Variants in PLXDC2 observed in about 807,000 individuals in gnomAD.
PLXDC2 encodes plexin domain containing 2.
In PLXDC2, 40 loss-of-function variants were observed where a neutral mutation model predicts 68.9. The observed-to-expected ratio is 0.58, with a 90% CI of 0.45 to 0.76. The LOEUF is 0.76. Among genes scored for constraint, PLXDC2 ranks in the 30% least tolerant of loss-of-function variants. PLXDC2 has a pLI of 0.00. For synonymous variants in PLXDC2, 243 were observed against 234.2 expected (o/e 1.04, Z -0.34); for missense variants, 644 against 661.9 (o/e 0.97, Z 0.30).
chr10:20,087,453 T>G (rs1833215193), intron 4 of PLXDC2, among the ~76,000 whole-genome samples: 2 of 152,260 alleles, frequency 1.3e-5, no homozygotes, highest in Non-Finnish European at 2.9e-5. Flanking sequence ...ATCATTCTTA[T>G]TCCATTTGCC....
At chr10:19,922,143 G>A (rs1025881389) in intron 1 of PLXDC2, among the ~76,000 whole-genome samples, 1 of 152,194 alleles carries the variant, frequency 6.6e-6, no homozygotes, top group African/African-American at 2.4e-5. Flanking sequence ...ACAGGCGTGA[G>A]CCACCGTTCT....
intron 12 of PLXDC2, among the ~76,000 whole-genome samples, chr10:20,230,679 G>A (rs1163647592): frequency 1.9e-5 from 1 of 51,732 alleles, no homozygotes; most frequent in Non-Finnish European, 4.4e-5. Context: ...GGGCTACAGA[G>A]TGAGACCTTG....
chr10:20,129,414 G>T (rs1833834440), intron 4 of PLXDC2, among the ~76,000 whole-genome samples: 1 of 151,942 alleles, frequency 6.6e-6, no homozygotes, highest in South Asian at 2.1e-4. Flanking sequence ...CTCCCATTCT[G>T]TAGGTTTTCT....
chr10:19,933,044 T>A lies in PLXDC2; in HGVS notation c.113-68731T>A, dbSNP rs558556334. On this transcript the variant is annotated intron_variant, in intron 1 of 13. Transcript: ENST00000377252. ...TTTTGACAACAGAAGAAAATCAGTGTCAAACAAACAAGCACGGTACCAAGC... is the reference window on the plus strand; with the variant it reads ...TTTTGACAACAGAAGAAAATCAGTGACAAACAAACAAGCACGGTACCAAGC... Among the ~76,000 whole-genome samples, 204 of 152,318 alleles carry A rather than the reference T, an allele frequency of 1.3e-3. 1 individual carries two copies. Among genetic ancestry groups the A allele is most frequent in the African/African-American group, 4.7e-3 (194 of 41,578 alleles).
intron 7 of PLXDC2, among the ~76,000 whole-genome samples, chr10:20,166,872 TG>T (rs1834383190): frequency 1.3e-5 from 2 of 152,140 alleles, no homozygotes; most frequent in South Asian, 4.1e-4. Flanking sequence ...TGTTACGTGT[TG>T]GGGGAAAAAT....
intron 1 of PLXDC2, among the ~76,000 whole-genome samples, chr10:19,940,548 C>CAA (rs10682522): frequency 0.19 from 21,900 of 113,418 alleles, 2,067 homozygotes; most frequent in African/African-American, 0.33. Context: ...TTTGATTGTG[C>CAA]AAAAAAAAAA....
intron 1 of PLXDC2, among the ~76,000 whole-genome samples, chr10:19,885,357 A>G (rs1227149498): frequency 2.0e-5 from 3 of 151,234 alleles, no homozygotes. Flanking sequence ...CTTTAGTTTA[A>G]TTAGATCCCA....
chr10:19,915,427 G>A lies in PLXDC2; in HGVS notation c.113-86348G>A, dbSNP rs576989296. Among the ~76,000 whole-genome samples, 52 of 152,192 alleles carry A rather than the reference G, an allele frequency of 3.4e-4. 1 individual carries two copies. Among genetic ancestry groups the A allele is most frequent in the Non-Finnish European group, 6.0e-4 (41 of 68,010 alleles). On this transcript the variant is annotated intron_variant, in intron 1 of 13. Coordinates refer to ENST00000377252, the MANE Select transcript of PLXDC2 (RefSeq NM_032812.9). ...TAAGATGTTTTAGCCATCTCACATT[G>A]TCCTAAATGTCTTCTTTACATACAT...
intron 1 of PLXDC2, among the ~76,000 whole-genome samples, chr10:19,941,799 C>G (rs957210452): frequency 2.0e-5 from 3 of 152,102 alleles, no homozygotes; most frequent in African/African-American, 7.2e-5. Context: ...TACCTTTTGA[C>G]TCTGCTAACG....
chr10:19,840,566 C>G (rs1836885935), intron 1 of PLXDC2, among the ~76,000 whole-genome samples: 1 of 152,066 alleles, frequency 6.6e-6, no homozygotes, highest in Non-Finnish European at 1.5e-5. Context: ...GAATAGTAAG[C>G]TTTGGTAATA....
At chr10:20,018,997 T>A (rs1190736563) in intron 2 of PLXDC2, among the ~76,000 whole-genome samples, 2 of 152,274 alleles carry the variant, frequency 1.3e-5, no homozygotes, top group East Asian at 3.9e-4. Flanking sequence ...AAATGGAACT[T>A]GGCTGGACAT....
intron 1 of PLXDC2, among the ~76,000 whole-genome samples, chr10:19,882,455 G>C (rs189433797): frequency 1.1e-4 from 16 of 152,254 alleles, no homozygotes; most frequent in African/African-American, 2.9e-4. Flanking sequence ...CAAAGGAAGA[G>C]GTTAGTGAAG....
intron 9 of PLXDC2, among the ~76,000 whole-genome samples, chr10:20,194,365 G>A (rs981139331): frequency 6.6e-6 from 1 of 151,866 alleles, no homozygotes; most frequent in African/African-American, 2.4e-5. Flanking sequence ...TCATCCTTAA[G>A]AGTTCAGATG....
intron 5 of PLXDC2, among the ~76,000 whole-genome samples, chr10:20,144,776 A>G (rs1237635431): frequency 6.6e-6 from 1 of 152,220 alleles, no homozygotes; most frequent in East Asian, 1.9e-4. Context: ...ACTATTTTCC[A>G]AACTCCGACA....
intron 1 of PLXDC2, among the ~76,000 whole-genome samples, chr10:19,858,447 C>T (rs1837256500): frequency 6.6e-6 from 1 of 152,282 alleles, no homozygotes. Flanking sequence ...AAATCATTCT[C>T]CCTTTTGCTT....
At chr10:20,232,458 G>T (rs1835377701) in intron 12 of PLXDC2, among the ~76,000 whole-genome samples, 1 of 152,028 alleles carries the variant, frequency 6.6e-6, no homozygotes, top group Non-Finnish European at 1.5e-5. Context: ...ATTCATAATT[G>T]TCAATAACTA....
intron 1 of PLXDC2, among the ~76,000 whole-genome samples, chr10:19,873,521 T>C (rs1837582230): frequency 6.7e-6 from 1 of 149,110 alleles, no homozygotes; most frequent in South Asian, 2.2e-4. Context: ...AGCCATTCTC[T>C]CCATTCTCTC....
chr10:20,171,907 C>G (rs1834451728), intron 7 of PLXDC2, among the ~76,000 whole-genome samples: 1 of 151,980 alleles, frequency 6.6e-6, no homozygotes, highest in Admixed American at 6.6e-5. Flanking sequence ...CCCGCCAGTT[C>G]CAGACCAGCC....
chr10:20,048,562 A>C (rs1353211991), intron 3 of PLXDC2, among the ~76,000 whole-genome samples: 1 of 152,146 alleles, frequency 6.6e-6, no homozygotes, highest in Non-Finnish European at 1.5e-5. Context: ...TATAGTGTTT[A>C]ATAGCATAAA....
Sources: gnomAD v4.1 joint callset for allele counts (sites outside exome capture counted in the v4.1 genomes callset) on GRCh38, gnomAD v4.1.1 for gene constraint, MANE v1.5 for transcripts, NCBI Gene and HGNC (gene_info 2026-07-23, HGNC 2026-07-21) for gene names.